NEMP2: variants seen among roughly 807,000 people sequenced by gnomAD.
NEMP2 encodes UPF0571 transmembrane protein.
Under a neutral mutation model 54.2 loss-of-function variants are expected in NEMP2, and 53 were observed. That is an observed-to-expected ratio of 0.98 (90% CI 0.78 to 1.23). The LOEUF (loss-of-function observed/expected upper bound fraction) is 1.23, where lower values mean the gene tolerates loss of function less well. Ranked by LOEUF, NEMP2 falls within the 50% of genes most tolerant of loss-of-function variation. The probability of loss-of-function intolerance (pLI) is 0.00; values close to 1 mark genes in which losing one functional copy is unlikely to be tolerated. For missense variants in NEMP2, 455 were observed against 511.3 expected (o/e 0.89, Z 1.06); for synonymous variants, 197 against 190.3 (o/e 1.04, Z -0.29).
chr2:190,589,872 A>G, the NEMP2 span, among the ~76,000 whole-genome samples: 1 of 152,148 alleles, frequency 6.6e-6, no homozygotes, highest in African/African-American at 2.4e-5. The surrounding 1 kb of genome is among the most constrained non-coding windows in gnomAD (Gnocchi z 4.3). Flanking sequence ...AAATACCCCT[A>G]TTTAGGGCTG....
rs1472072310 is a variant in NEMP2 at position 190,506,125 on chromosome 2, CAA to C, written c.*3062_*3063del. 1 of 152,196 alleles carries C rather than the reference CAA, an allele frequency of 6.6e-6. No homozygotes were observed. The highest frequency in any genetic ancestry group is 1.9e-4 in the East Asian group (1 of 5,204). The allele number at this position is 152,196 out of a possible 1,614,324, so 9.4% of individuals were successfully genotyped here. On this transcript the variant is annotated 3_prime_UTR_variant, in exon 9 of 9. Coordinates refer to ENST00000409150, the MANE Select transcript of NEMP2 (RefSeq NM_001142645.2). The surrounding 1 kb of genome is among the most constrained non-coding windows in gnomAD (Gnocchi z 6.3). ...TGTACCAACTATATGAATTGACTAA[CAA>C]GAGACAGGTCTTATGGTGCAATAAC... is the stretch of plus-strand genomic sequence containing the variant.
At chr2:190,569,884 C>T in the NEMP2 span, among the ~76,000 whole-genome samples, 1 of 152,148 alleles carries the variant, frequency 6.6e-6, no homozygotes, top group Non-Finnish European at 1.5e-5. Context: ...TTGAATGAGT[C>T]CCAGATTCCA....
chr2:190,449,771 A>C, the NEMP2 span, among the ~76,000 whole-genome samples: 1 of 152,124 alleles, frequency 6.6e-6, no homozygotes, highest in East Asian at 1.9e-4. Flanking sequence ...AGAACAAAAA[A>C]CCAAACACCG....
At chr2:190,464,890 G>GT in the NEMP2 span, 5 of 326,440 alleles carry the variant, frequency 1.5e-5, no homozygotes, top group Non-Finnish European at 1.5e-5. Context: ...GTTCACTGTG[G>GT]TTTTTAGTGG....
the NEMP2 span, among the ~76,000 whole-genome samples, chr2:190,555,913 T>C: frequency 6.6e-6 from 1 of 152,162 alleles, no homozygotes; most frequent in Admixed American, 6.5e-5. The surrounding 1 kb of genome is among the most constrained non-coding windows in gnomAD (Gnocchi z 4.8). Context: ...GAGGAACTGG[T>C]ACCATTCCTT....
chr2:190,621,597 G>T, the NEMP2 span, among the ~76,000 whole-genome samples: 1 of 144,002 alleles, frequency 6.9e-6, no homozygotes, highest in Non-Finnish European at 1.5e-5. Flanking sequence ...CTGTCTTTGG[G>T]TTTTTTTTTT....
At chr2:190,463,794 T>C in the NEMP2 span, 4 of 833,934 alleles carry the variant, frequency 4.8e-6, no homozygotes, top group Non-Finnish European at 5.8e-6. The surrounding 1 kb of genome is among the most constrained non-coding windows in gnomAD (Gnocchi z 4.4). Flanking sequence ...CACTCCAGCC[T>C]GGGTAACAGA....
At chr2:190,463,786 C>G in the NEMP2 span, 11 of 790,264 alleles carry the variant, frequency 1.4e-5, no homozygotes, top group Non-Finnish European at 3.1e-6. This position sits in a 1 kb window ranked among gnomAD's most constrained non-coding sequence, Gnocchi z 4.4. Flanking sequence ...CGCTACTGCA[C>G]TCCAGCCTGG....
the NEMP2 span, chr2:190,435,973 A>C: frequency 1.3e-6 from 2 of 1,528,650 alleles, no homozygotes; most frequent in South Asian, 2.6e-5. Context: ...ATTTTACTTT[A>C]CAGATCAACA....
Position 190,510,459 on chromosome 2 carries a change from A to G in NEMP2, c.1032T>C (p.Asp344=). ...LTEDEYREQA[D]AETNSALEEL... ...CCTCCAGAGCACTGTTCGTTTCAGC[A>G]TCAGCTTGCTCCCTGTACTCGTCTT... Residue 344 remains aspartate, a synonymous_variant, in exon 8 of 9, where the codon GAT becomes GAC. Coordinates refer to ENST00000409150, the MANE Select transcript of NEMP2 (RefSeq NM_001142645.2). This position sits in a 1 kb window ranked among gnomAD's most constrained non-coding sequence, Gnocchi z 5.7. 6.4e-7 allele frequency: 1 copy of G among 1,551,846 alleles called. No individual in the cohort carries two copies. Among genetic ancestry groups the G allele is most frequent in the Non-Finnish European group, 8.7e-7 (1 of 1,147,030 alleles).
chr2:190,554,360 C>T, the NEMP2 span, among the ~76,000 whole-genome samples: 1 of 152,202 alleles, frequency 6.6e-6, no homozygotes, highest in African/African-American at 2.4e-5. This position sits in a 1 kb window ranked among gnomAD's most constrained non-coding sequence, Gnocchi z 5.7. Flanking sequence ...TGGTCTGGCT[C>T]TGCAGGTCCC....
chr2:190,647,942 G>A, the NEMP2 span, among the ~76,000 whole-genome samples: 1 of 152,076 alleles, frequency 6.6e-6, no homozygotes, highest in Admixed American at 6.5e-5. Context: ...TCCAACTCCG[G>A]ACCTCAGGTG....
chr2:190,475,639 A>G, the NEMP2 span, among the ~76,000 whole-genome samples: 1 of 152,350 alleles, frequency 6.6e-6, no homozygotes, highest in African/African-American at 2.4e-5. Flanking sequence ...ATACTGCCCA[A>G]GGTAATTTAT....
the NEMP2 span, among the ~76,000 whole-genome samples, chr2:190,571,451 G>A: frequency 6.6e-6 from 1 of 152,074 alleles, no homozygotes; most frequent in African/African-American, 2.4e-5. Context: ...GCCGAGGCAG[G>A]AGAATCGCTC....
the NEMP2 span, among the ~76,000 whole-genome samples, chr2:190,448,830 GC>G: frequency 6.6e-6 from 1 of 152,122 alleles, no homozygotes; most frequent in Non-Finnish European, 1.5e-5. Context: ...CATTCTTGGT[GC>G]TAGACAGTCT....
At chr2:190,566,751 AAG>A in the NEMP2 span, among the ~76,000 whole-genome samples, 1 of 148,216 alleles carries the variant, frequency 6.7e-6, no homozygotes, top group Non-Finnish European at 1.5e-5. Context: ...AAGAAAAAAA[AAG>A]AAAGGAAGGA....
the NEMP2 span, among the ~76,000 whole-genome samples, chr2:190,630,814 T>C: frequency 6.6e-6 from 1 of 152,182 alleles, no homozygotes; most frequent in Non-Finnish European, 1.5e-5. The surrounding 1 kb of genome is among the most constrained non-coding windows in gnomAD (Gnocchi z 5.5). Flanking sequence ...TTTGAACTAG[T>C]AACAGAATTT....
At chr2:190,587,117 T>C in the NEMP2 span, among the ~76,000 whole-genome samples, 1 of 152,224 alleles carries the variant, frequency 6.6e-6, no homozygotes, top group African/African-American at 2.4e-5. The surrounding 1 kb of genome is among the most constrained non-coding windows in gnomAD (Gnocchi z 5.4). Context: ...TTCTCTGTCC[T>C]GATCGAGACA....
chr2:190,629,726 A>T, the NEMP2 span: 1 of 152,210 alleles, frequency 6.6e-6, no homozygotes, highest in African/African-American at 2.4e-5. Context: ...CCAACACCAT[A>T]GACATCTCAG....
Sources: allele counts gnomAD v4.1 joint callset (sites outside exome capture counted in the v4.1 genomes callset), GRCh38; gene constraint gnomAD v4.1.1; non-coding constraint Gnocchi (gnomAD v3.1); transcripts MANE v1.5; gene names NCBI Gene and HGNC (gene_info 2026-07-23, HGNC 2026-07-21).